The following LRRTM4 variants were observed in gnomAD, a reference collection of about 807,000 sequenced individuals.
LRRTM4 encodes leucine rich repeat transmembrane neuronal 4, also known as leucine-rich repeat transmembrane neuronal protein 4.
LRRTM4 carries 25 observed loss-of-function variants against 47.6 expected under a neutral mutation model. The observed-to-expected ratio is 0.53, with a 90% CI of 0.38 to 0.73. The LOEUF is 0.73. Ranked by LOEUF, LRRTM4 falls within the 30% of genes least tolerant of loss-of-function variation. LRRTM4 has a pLI of 0.00. For synonymous variants in LRRTM4, 311 were observed against 269.5 expected (o/e 1.15, Z -1.51); for missense variants, 638 against 713.4 (o/e 0.89, Z 1.20).
rs1034806266 is a variant in LRRTM4 at position 76,996,553 on chromosome 2, C to G, written c.1552-247637G>C. Among the ~76,000 whole-genome samples the G allele has an allele frequency of 2.6e-4, 26 of 99,424 alleles. No homozygotes were observed. In the Admixed American group the frequency reaches 2.6e-3, roughly 10 times the overall value. 65.2% of individuals were successfully genotyped at this position (99,424 alleles called of 152,430 possible). A position where few individuals can be genotyped will look rare whatever the true frequency, so the allele number is the denominator to read the frequency against. On this transcript the variant is annotated intron_variant, in intron 3 of 3. Coordinates refer to ENST00000409884, the MANE Select transcript of LRRTM4 (RefSeq NM_001134745.3). ...TTTGCTTAATATTAGTAAAAATTCACAGGAAAAATAAAAAAATGACTATAA... is the reference window on the plus strand; with the variant it reads ...TTTGCTTAATATTAGTAAAAATTCAGAGGAAAAATAAAAAAATGACTATAA...
At chr2:77,018,766 GA>G (rs1369957122) in intron 3 of LRRTM4, among the ~76,000 whole-genome samples, 1 of 87,664 alleles carries the variant, frequency 1.1e-5, no homozygotes, top group East Asian at 4.0e-4. Flanking sequence ...AGCCCTTTAA[GA>G]AGTTTAAGTT....
chr2:77,502,771 G>A (rs556373481), intron 3 of LRRTM4, among the ~76,000 whole-genome samples: 1 of 151,680 alleles, frequency 6.6e-6, no homozygotes, highest in African/African-American at 2.4e-5. Context: ...TAGAGTATTA[G>A]ATGGGTGAGC....
At chr2:77,208,894 A>T (rs551125754) in intron 3 of LRRTM4, among the ~76,000 whole-genome samples, 87 of 152,298 alleles carry the variant, frequency 5.7e-4, no homozygotes, top group Admixed American at 3.3e-3. Context: ...TGTACCACAC[A>T]TGTAAATAAA....
At chr2:77,432,325 T>A (rs1675413701) in intron 3 of LRRTM4, among the ~76,000 whole-genome samples, 1 of 152,170 alleles carries the variant, frequency 6.6e-6, no homozygotes, top group Non-Finnish European at 1.5e-5. Flanking sequence ...ATCCCTCACC[T>A]CTTGACACTG....
intron 3 of LRRTM4, among the ~76,000 whole-genome samples, chr2:76,948,913 TA>T (rs941493808): frequency 1.3e-5 from 2 of 151,882 alleles, no homozygotes; most frequent in Non-Finnish European, 2.9e-5. Context: ...GGATTTCATT[TA>T]AATATTTTAC....
rs111440559 is a variant in LRRTM4, at chr2:77,133,764, G to A, written c.1551+384554C>T. 2.3e-3 allele frequency among the ~76,000 whole-genome samples: 347 copies of A among 152,256 alleles called. 2 individuals carry two copies. The highest frequency in any genetic ancestry group is 7.8e-3 in the African/African-American group (326 of 41,540). On this transcript the variant is annotated intron_variant, in intron 3 of 3. Coordinates refer to ENST00000409884, the MANE Select transcript of LRRTM4 (RefSeq NM_001134745.3). ...AAATAGCTGCCTCCTCACTGTATGT[G>A]TTGCTATGACGCCATTGAATGTCAC...
At chr2:76,937,484 G>T (rs1182470322) in intron 3 of LRRTM4, among the ~76,000 whole-genome samples, 1 of 152,302 alleles carries the variant, frequency 6.6e-6, no homozygotes, top group East Asian at 1.9e-4. Flanking sequence ...ACTTGATTGA[G>T]CTAATGCATC....
chr2:77,144,375 T>C (rs1672202287), intron 3 of LRRTM4, among the ~76,000 whole-genome samples: 1 of 151,580 alleles, frequency 6.6e-6, no homozygotes. Context: ...CACATCACAG[T>C]GCTTAACACA....
intron 3 of LRRTM4, among the ~76,000 whole-genome samples, chr2:77,421,461 A>G (rs1437057191): frequency 6.6e-6 from 1 of 152,040 alleles, no homozygotes; most frequent in Non-Finnish European, 1.5e-5. Flanking sequence ...TAATCCCAGC[A>G]CTTCGGGAGG....
At chr2:76,968,348 A>ATG (rs1553437917) in intron 3 of LRRTM4, among the ~76,000 whole-genome samples, 6 of 90,646 alleles carry the variant, frequency 6.6e-5, no homozygotes, top group African/African-American at 2.8e-4. Flanking sequence ...GTGTATATAT[A>ATG]TATATATATA....
intron 3 of LRRTM4, among the ~76,000 whole-genome samples, chr2:77,150,104 C>T (rs929080128): frequency 1.3e-5 from 2 of 151,636 alleles, no homozygotes; most frequent in Non-Finnish European, 2.9e-5. Context: ...AGAATTTGAA[C>T]CTTAAATAAA....
intron 3 of LRRTM4, among the ~76,000 whole-genome samples, chr2:76,804,226 A>C (rs931801641): frequency 2.6e-5 from 4 of 152,164 alleles, no homozygotes; most frequent in East Asian, 3.8e-4. Flanking sequence ...CCTTTGTTGA[A>C]GATATTATGT....
chr2:77,194,821 C>T (rs1673767008), intron 3 of LRRTM4, among the ~76,000 whole-genome samples: 1 of 151,600 alleles, frequency 6.6e-6, no homozygotes, highest in Non-Finnish European at 1.5e-5. Flanking sequence ...CAAGTTACCA[C>T]AGACAATAAC....
intron 3 of LRRTM4, among the ~76,000 whole-genome samples, chr2:76,963,593 T>C (rs1394186542): frequency 3.3e-5 from 5 of 150,944 alleles, no homozygotes; most frequent in African/African-American, 1.2e-4. Context: ...TAAAGATTCT[T>C]ATAAGTATCA....
chr2:76,903,101 G>C (rs1673698097), intron 3 of LRRTM4, among the ~76,000 whole-genome samples: 1 of 152,178 alleles, frequency 6.6e-6, no homozygotes, highest in Non-Finnish European at 1.5e-5. Flanking sequence ...GCCTGGCACA[G>C]TGGCTCGTGC....
chr2:77,245,517 CAAAAAAAAAAAA>C (rs770133274), intron 3 of LRRTM4, among the ~76,000 whole-genome samples: 1 of 86,460 alleles, frequency 1.2e-5, no homozygotes, highest in Non-Finnish European at 2.6e-5. Flanking sequence ...GACACTGCCT[CAAAAAAAAAAAA>C]AAAAAAAAAG....
intron 3 of LRRTM4, among the ~76,000 whole-genome samples, chr2:77,169,186 C>T (rs1478204853): frequency 9.2e-5 from 14 of 152,064 alleles, no homozygotes. Flanking sequence ...CCTACTTTCA[C>T]CATTCTTATT....
chr2:76,756,668 C>A (rs1359373975), intron 3 of LRRTM4, among the ~76,000 whole-genome samples: 1 of 152,076 alleles, frequency 6.6e-6, no homozygotes, highest in African/African-American at 2.4e-5. Context: ...CTGGTTCATT[C>A]ATCAAACCAA....
In LRRTM4 at chr2:77,521,727, C is replaced by T; in HGVS notation, c.-56G>A. On this transcript the variant is annotated 5_prime_UTR_variant, in exon 2 of 4. Coordinates refer to ENST00000409884, the MANE Select transcript of LRRTM4 (RefSeq NM_001134745.3). The stretch of plus-strand genomic sequence containing the variant: ...TCTCAGCTTTCTTCTTATTTGGTCT[C>T]TTGTGCGGAAACCACCACCACCTTC... The T allele has an allele frequency of 7.5e-6, 12 of 1,607,338 alleles. No homozygotes were observed. The highest frequency in any genetic ancestry group is 5.5e-5 in the South Asian group (5 of 90,886).
Sources: gnomAD v4.1 joint callset for allele counts (sites outside exome capture counted in the v4.1 genomes callset) on GRCh38, gnomAD v4.1.1 for gene constraint, MANE v1.5 for transcripts, NCBI Gene and HGNC (gene_info 2026-07-23, HGNC 2026-07-21) for gene names.